ITGA2: variants seen among roughly 807,000 people sequenced by gnomAD.
ITGA2 encodes the protein integrin alpha-2.
A neutral mutation model predicts 146.3 loss-of-function variants in ITGA2; 101 were observed. The observed-to-expected ratio is 0.69, with a 90% CI of 0.59 to 0.81. The LOEUF is 0.81. ITGA2 is among the 40% of genes least tolerant of loss of function. ITGA2 has a pLI of 0.00. For synonymous variants in ITGA2, 477 were observed against 487.1 expected (o/e 0.98, Z 0.27); for missense variants, 1,281 against 1,402.7 (o/e 0.91, Z 1.39).
rs145587293 is a variant in ITGA2, at chr5:53,024,900, G to T, written c.65-1848G>T. On this transcript the variant is annotated intron_variant, in intron 1 of 29. Transcript: ENST00000296585. ...GATTTTATTCTCAGTTCAATGGCAAGACATAAGTTAATAATATATATCTAT... is the reference window on the plus strand; with the variant it reads ...GATTTTATTCTCAGTTCAATGGCAATACATAAGTTAATAATATATATCTAT... 1.2e-3 allele frequency among the ~76,000 whole-genome samples: 190 copies of T among 152,260 alleles called. 2 individuals are homozygous for T. The South Asian group carries it at 0.027, about 22-fold the overall frequency.
At chr5:53,007,892 C>G (rs139827759) in intron 1 of ITGA2, among the ~76,000 whole-genome samples, 2 of 152,116 alleles carry the variant, frequency 1.3e-5, no homozygotes, top group African/African-American at 4.8e-5. Context: ...GATGCAGTTA[C>G]AAAACAAAAT....
chr5:53,090,971 G>T lies in ITGA2; in HGVS notation c.*372G>T. 2.0e-6 allele frequency: 1 copy of T among 496,366 alleles called. No individual in the cohort carries two copies. The highest frequency in any genetic ancestry group is 3.5e-6 in the Non-Finnish European group (1 of 282,192). The allele number at this position is 496,366 out of a possible 1,614,324, so 30.7% of individuals were successfully genotyped here. ...CTCTCAGATTTTAAGGGGGAAAACT[G>T]TTCTCTTTAAAATATTTGTCTTTAA... is the stretch of plus-strand genomic sequence containing the variant. On this transcript the variant is annotated 3_prime_UTR_variant, in exon 30 of 30. Transcript: ENST00000296585.
In ITGA2 at chr5:52,989,354, AGAAGCCCTCTG is replaced by A. The variant is rs1373125980; in HGVS notation, c.-112_-102del. ...TCCCTGCTCTCACCGGGCGGGGGAG[AGAAGCCCTCTG>A]GACAGCTTCTAGAGTGTGCAGGTTC... On this transcript the variant is annotated 5_prime_UTR_variant, in exon 1 of 30. Transcript: ENST00000296585. The A allele has an allele frequency of 1.1e-5, 12 of 1,106,858 alleles. No homozygotes were observed. In the African/African-American group the frequency reaches 1.8e-4, roughly 17 times the overall value. The allele number at this position is 1,106,858 out of a possible 1,614,324, so 68.6% of individuals were successfully genotyped here.
chr5:53,071,884 C>T (rs992525436), intron 17 of ITGA2, 54 bp from the exon 18 acceptor site: 31 of 1,261,206 alleles, frequency 2.5e-5, no homozygotes, highest in Non-Finnish European at 3.3e-5. Context: ...TGTTGCTATG[C>T]TCTAATAAAC....
intron 2 of ITGA2, among the ~76,000 whole-genome samples, chr5:53,033,970 G>A (rs193170717): frequency 6.6e-6 from 1 of 151,908 alleles, no homozygotes; most frequent in Admixed American, 6.5e-5. Context: ...TCACCGTGTT[G>A]GCCAGGCTGA....
At position 53,074,456 on chromosome 5, in the gene ITGA2, T is replaced by C. The variant is rs1408212667; in HGVS notation, c.2643T>C (p.Pro881=). The change falls in exon 21 of 30, where the codon CCT becomes CCC. Residue 881 remains proline, a synonymous_variant. Coordinates refer to ENST00000296585, the MANE Select transcript of ITGA2 (RefSeq NM_002203.4). ...QKSVACDVGY[P]ALKREQQVTF... is the part of the protein sequence containing the mutation. ...CTGTTGCCTGCGATGTAGGCTACCC[T>C]GCTTTAAAGAGAGAACAACAGGTAC... 6.2e-7 allele frequency: 1 copy of C among 1,612,130 alleles called. No homozygotes were observed. The highest frequency in any genetic ancestry group is 1.3e-5 in the African/African-American group (1 of 74,792).
chr5:53,080,719 A>C (rs1745882210), intron 25 of ITGA2, 98 bp downstream of exon 25: 2 of 873,086 alleles, frequency 2.3e-6, no homozygotes, highest in Non-Finnish European at 3.9e-6. Context: ...GATGGGAAAC[A>C]GATGGTAACT....
In ITGA2 at chr5:53,094,057, G is replaced by T. The variant is rs1213499020; in HGVS notation, c.*3458G>T. ...ATTATAAAGGTTATAATTTTATAAT[G>T]TATTTACCTGTCCTGATATATAGCT... On this transcript the variant is annotated 3_prime_UTR_variant, in exon 30 of 30. Transcript: ENST00000296585. 3 of 152,552 alleles carry T rather than the reference G, an allele frequency of 2.0e-5. No homozygotes were observed. The highest frequency in any genetic ancestry group is 4.4e-5 in the Non-Finnish European group (3 of 68,016). The allele number at this position is 152,552 out of a possible 1,614,324, so 9.4% of individuals were successfully genotyped here.
At chr5:53,014,393 G>T (rs1041954889) in intron 1 of ITGA2, among the ~76,000 whole-genome samples, 3 of 152,108 alleles carry the variant, frequency 2.0e-5, no homozygotes, top group African/African-American at 7.2e-5. Flanking sequence ...TTTATGTGAT[G>T]AATCACATTT....
chr5:53,052,570 T>C (rs1164219448), intron 7 of ITGA2, among the ~76,000 whole-genome samples: 1 of 151,992 alleles, frequency 6.6e-6, no homozygotes, highest in African/African-American at 2.4e-5. Context: ...AGCAACTCTA[T>C]TCCCTCCCTC....
At chr5:53,087,235 C>T (rs3212638) in intron 28 of ITGA2, among the ~76,000 whole-genome samples, 194 bp downstream of exon 28, 2,596 of 152,234 alleles carry the variant, frequency 0.017, 75 homozygotes, top group African/African-American at 0.059. Context: ...GATACACTTG[C>T]CTTCCTCCAT....
At chr5:53,029,806 T>A (rs979468488) in intron 2 of ITGA2, among the ~76,000 whole-genome samples, 1 of 152,218 alleles carries the variant, frequency 6.6e-6, no homozygotes, top group African/African-American at 2.4e-5. Flanking sequence ...AATGACTAAA[T>A]GGAAGTCCCA....
intron 2 of ITGA2, among the ~76,000 whole-genome samples, chr5:53,034,369 C>CACTA (rs1743383688): frequency 2.0e-5 from 3 of 151,334 alleles, no homozygotes; most frequent in Admixed American, 2.0e-4. Context: ...AAGATCACGT[C>CACTA]ACTGCACTCC....
intron 16 of ITGA2, among the ~76,000 whole-genome samples, chr5:53,068,691 C>A (rs1176306173): frequency 6.6e-6 from 1 of 151,664 alleles, no homozygotes; most frequent in Non-Finnish European, 1.5e-5. Context: ...ATTGTGAGCT[C>A]ATTTGTCACT....
intron 3 of ITGA2, 143 bp from the exon 4 acceptor site, chr5:53,044,858 C>A: frequency 4.4e-6 from 3 of 681,518 alleles, no homozygotes. Context: ...TTTCCCCACA[C>A]TTCATTATAT....
chr5:53,028,053 C>A (rs572185304), intron 2 of ITGA2, among the ~76,000 whole-genome samples: 15 of 152,034 alleles, frequency 9.9e-5, no homozygotes, highest in South Asian at 8.3e-4. Context: ...TGCACTCCAG[C>A]CTGAGTGACT....
chr5:53,039,975 A>G (rs931839054), intron 2 of ITGA2, among the ~76,000 whole-genome samples: 1 of 151,866 alleles, frequency 6.6e-6, no homozygotes, highest in African/African-American at 2.4e-5. Context: ...GAAGGCAGCT[A>G]TGGGGCAATA....
In ITGA2 at chr5:53,045,112, A is replaced by G; in HGVS notation, c.387+20A>G. 1 of 1,559,434 alleles carries G rather than the reference A, an allele frequency of 6.4e-7. No individual in the cohort carries two copies. Among genetic ancestry groups the G allele is most frequent in the Non-Finnish European group, 8.8e-7 (1 of 1,130,138 alleles). On this transcript the variant is annotated intron_variant, in intron 4 of 29. Transcript: ENST00000296585. ...TTTCTCGTGAGTGTTTACTTTACAA[A>G]TCATTATTCCTCTCAAGAAAGTACA...
At position 53,018,962 on chromosome 5, in the gene ITGA2, G is replaced by A. The variant is rs571728703; in HGVS notation, c.65-7786G>A. Among the ~76,000 whole-genome samples the A allele has an allele frequency of 3.9e-4, 60 of 152,166 alleles. No homozygotes were observed. In the East Asian group the frequency reaches 7.8e-3, roughly 20 times the overall value. On this transcript the variant is annotated intron_variant, in intron 1 of 29. Coordinates refer to ENST00000296585, the MANE Select transcript of ITGA2 (RefSeq NM_002203.4). Reference sequence around the variant, plus strand: ...GCCTGTAATCCCAGCTACTCAGGAGGCTGAGATATGAGAATTGCTTGAACC... The same window carrying A: ...GCCTGTAATCCCAGCTACTCAGGAGACTGAGATATGAGAATTGCTTGAACC...
Sources: gnomAD v4.1 joint callset for allele counts (sites outside exome capture counted in the v4.1 genomes callset) on GRCh38, gnomAD v4.1.1 for gene constraint, MANE v1.5 for transcripts, NCBI Gene and HGNC (gene_info 2026-07-23, HGNC 2026-07-21) for gene names.